The following CCDC148 variants were observed in gnomAD, a reference collection of about 807,000 sequenced individuals.
The protein encoded by CCDC148 is coiled-coil domain containing 148.
A neutral mutation model predicts 85.7 loss-of-function variants in CCDC148; 89 were observed. The observed-to-expected ratio is 1.04, with a 90% CI of 0.87 to 1.24. The LOEUF is 1.24. CCDC148 is among the 50% of genes most tolerant of loss of function. The probability of loss-of-function intolerance (pLI) is 0.00; values close to 1 mark genes in which losing one functional copy is unlikely to be tolerated. For synonymous variants in CCDC148, 230 were observed against 213.9 expected, an observed-to-expected ratio of 1.08 and a Z score of -0.66; for missense variants, 692 against 671.7, an observed-to-expected ratio of 1.03 and a Z score of -0.33.
intron 1 of CCDC148, among the ~76,000 whole-genome samples, chr2:158,363,462 C>G (rs899177710): frequency 2.0e-5 from 3 of 152,082 alleles, no homozygotes; most frequent in African/African-American, 4.8e-5. Flanking sequence ...AAAGCTTATC[C>G]ACCATGATCA....
At chr2:158,383,591 T>A (rs1350570535) in intron 1 of CCDC148, among the ~76,000 whole-genome samples, 20 of 152,136 alleles carry the variant, frequency 1.3e-4, no homozygotes, top group Admixed American at 1.3e-3. Flanking sequence ...AAATTTAAGT[T>A]ATGTTTTTAT....
intron 2 of CCDC148, among the ~76,000 whole-genome samples, chr2:158,354,575 A>G (rs1304505858): frequency 6.6e-6 from 1 of 151,870 alleles, no homozygotes; most frequent in Non-Finnish European, 1.5e-5. Context: ...CTGAAATTGT[A>G]GCAATAATCA....
intron 1 of CCDC148, among the ~76,000 whole-genome samples, chr2:158,410,778 T>C (rs951899002): frequency 6.6e-6 from 1 of 152,192 alleles, no homozygotes; most frequent in Non-Finnish European, 1.5e-5. Flanking sequence ...TTGTTGTCTA[T>C]ATATTTATCT....
In CCDC148 at chr2:158,172,053, T is replaced by G; in HGVS notation, c.*60A>C. The G allele has an allele frequency of 8.7e-7, 1 of 1,153,400 alleles. No homozygotes were observed. Among genetic ancestry groups the G allele is most frequent in the Non-Finnish European group, 1.2e-6 (1 of 816,640 alleles). 71.4% of individuals were successfully genotyped at this position (1,153,400 alleles called of 1,614,324 possible). ...CATTTTAGAAAGTAGTAATTATTAT[T>G]ATCCATATACATGTTTTCAAAGAAA... On this transcript the variant is annotated 3_prime_UTR_variant, in exon 14 of 14. Coordinates refer to ENST00000283233, the MANE Select transcript of CCDC148 (RefSeq NM_138803.4).
intron 11 of CCDC148, among the ~76,000 whole-genome samples, chr2:158,192,473 G>A (rs1392251436): frequency 6.8e-6 from 1 of 147,612 alleles, no homozygotes; most frequent in Admixed American, 6.8e-5. Flanking sequence ...AAATCATGGT[G>A]TAGGAAAAAC....
At chr2:158,383,252 G>A (rs1684953025) in intron 1 of CCDC148, among the ~76,000 whole-genome samples, 1 of 152,054 alleles carries the variant, frequency 6.6e-6, no homozygotes, top group Non-Finnish European at 1.5e-5. Context: ...GGGAGGTGGA[G>A]GTTGTGGTGA....
chr2:158,456,234 C>T (rs1457949537), intron 1 of CCDC148, among the ~76,000 whole-genome samples, 181 bp downstream of exon 1: 1 of 152,174 alleles, frequency 6.6e-6, no homozygotes, highest in Non-Finnish European at 1.5e-5. Context: ...ACCAAAATAT[C>T]CTCAAAGGAA....
chr2:158,353,018 G>A (rs890932222), intron 2 of CCDC148, among the ~76,000 whole-genome samples: 24 of 151,316 alleles, frequency 1.6e-4, no homozygotes, highest in Admixed American at 3.3e-4. Context: ...TTACAGACAA[G>A]CAAATGCTGA....
intron 9 of CCDC148, among the ~76,000 whole-genome samples, chr2:158,303,419 A>C (rs1195775367): frequency 1.3e-5 from 2 of 152,194 alleles, no homozygotes; most frequent in Admixed American, 1.3e-4. Context: ...AAGTCACTTC[A>C]TCTTTCAGGG....
chr2:158,191,107 G>T (rs113220288), intron 11 of CCDC148, among the ~76,000 whole-genome samples: 1 of 152,106 alleles, frequency 6.6e-6, no homozygotes, highest in African/African-American at 2.4e-5. Flanking sequence ...GTATGATTAT[G>T]ATGATGGAAC....
intron 10 of CCDC148, among the ~76,000 whole-genome samples, chr2:158,227,158 A>G (rs1687586303): frequency 6.6e-6 from 1 of 152,190 alleles, no homozygotes; most frequent in Non-Finnish European, 1.5e-5. Context: ...CCCATACACC[A>G]ATAACAGACA....
At chr2:158,444,893 C>T (rs1315772145) in intron 1 of CCDC148, among the ~76,000 whole-genome samples, 1 of 142,020 alleles carries the variant, frequency 7.0e-6, no homozygotes, top group Non-Finnish European at 1.5e-5. Context: ...GAAATTTTTA[C>T]TAATCTTAAC....
intron 1 of CCDC148, chr2:158,365,954 A>G (rs1455569026): frequency 8.4e-7 from 1 of 1,184,960 alleles, no homozygotes; most frequent in African/African-American, 1.6e-5. Context: ...ATTGTGTATC[A>G]TTTCAAAAGT....
intron 10 of CCDC148, among the ~76,000 whole-genome samples, chr2:158,247,131 A>G (rs1162479944): frequency 6.6e-6 from 1 of 152,192 alleles, no homozygotes; most frequent in East Asian, 1.9e-4. Context: ...AAAAAGAAAT[A>G]GTATCTAGAA....
chr2:158,401,919 T>C (rs551759819), intron 1 of CCDC148, among the ~76,000 whole-genome samples: 26 of 152,034 alleles, frequency 1.7e-4, no homozygotes, highest in Admixed American at 1.3e-3. Context: ...AACCAAAGAA[T>C]AGACCAGAAG....
chr2:158,269,030 G>C (rs938445178), intron 9 of CCDC148, among the ~76,000 whole-genome samples: 5 of 152,096 alleles, frequency 3.3e-5, no homozygotes, highest in Non-Finnish European at 7.4e-5. Flanking sequence ...ACACAGAAGT[G>C]CAGCTATCTT....
intron 10 of CCDC148, among the ~76,000 whole-genome samples, chr2:158,241,478 G>A (rs1195396846): frequency 6.6e-6 from 1 of 152,110 alleles, no homozygotes; most frequent in Non-Finnish European, 1.5e-5. Context: ...AGATGAGAAA[G>A]GGGGCAATTT....
intron 10 of CCDC148, among the ~76,000 whole-genome samples, chr2:158,226,460 C>T (rs1426448895): frequency 6.6e-6 from 1 of 152,112 alleles, no homozygotes; most frequent in Non-Finnish European, 1.5e-5. Context: ...TTTTATGAGG[C>T]CAGCATCATC....
In CCDC148 at chr2:158,200,924, C is replaced by T. The variant is rs111300515; in HGVS notation, c.1370+19671G>A. ...TTATTTTCTAAATCTATCATTTCTT[C>T]AGCATTTATTAGCTGACACATTAAA... On this transcript the variant is annotated intron_variant, in intron 11 of 13. Transcript: ENST00000283233. 3.7e-3 allele frequency among the ~76,000 whole-genome samples: 565 copies of T among 152,250 alleles called. 4 individuals are homozygous for T. Among genetic ancestry groups the T allele is most frequent in the African/African-American group, 0.013 (534 of 41,556 alleles).
Sources: allele counts gnomAD v4.1 joint callset (sites outside exome capture counted in the v4.1 genomes callset), GRCh38; gene constraint gnomAD v4.1.1; transcripts MANE v1.5; gene names NCBI Gene and HGNC (gene_info 2026-07-23, HGNC 2026-07-21).